CNTN4: variants seen among roughly 807,000 people sequenced by gnomAD.
CNTN4 encodes the protein contactin 4.
A neutral mutation model predicts 122.5 loss-of-function variants in CNTN4; 77 were observed. The ratio of observed to expected loss-of-function variants is 0.63; its 90% CI spans 0.52 to 0.76. The LOEUF (loss-of-function observed/expected upper bound fraction) is 0.76, where lower values mean the gene tolerates loss of function less well. Ranked by LOEUF, CNTN4 falls within the 30% of genes least tolerant of loss-of-function variation. CNTN4 has a pLI of 0.00. For synonymous variants in CNTN4, 512 were observed against 447.0 expected (o/e 1.15, Z -1.83); for missense variants, 1,256 against 1,259.1 (o/e 1.00, Z 0.04).
Position 2,511,194 on chromosome 3 carries a change from A to G in CNTN4, c.-88-60222A>G, listed in dbSNP as rs2149073594. 1.3e-5 allele frequency among the ~76,000 whole-genome samples: 2 copies of G among 152,320 alleles called. 1 individual carries two copies. Among genetic ancestry groups the G allele is most frequent in the Admixed American group, 1.3e-4 (2 of 15,296 alleles). ...TATGTACCAAACAACCAGTGTAATTATATTCTGTAGTTGAGGAATTACATA... is the reference window on the plus strand; with the variant it reads ...TATGTACCAAACAACCAGTGTAATTGTATTCTGTAGTTGAGGAATTACATA... On this transcript the variant is annotated intron_variant, in intron 3 of 24. Coordinates refer to ENST00000418658, the MANE Select transcript of CNTN4 (RefSeq NM_175607.3).
chr3:2,562,801 G>A (rs1460945935), intron 3 of CNTN4, among the ~76,000 whole-genome samples: 1 of 151,752 alleles, frequency 6.6e-6, no homozygotes, highest in African/African-American at 2.4e-5. Context: ...TTGGCTCACT[G>A]CAGACTCCAA....
chr3:2,432,533 A>G (rs898190577), intron 3 of CNTN4, among the ~76,000 whole-genome samples: 3 of 152,148 alleles, frequency 2.0e-5, no homozygotes, highest in African/African-American at 7.2e-5. Flanking sequence ...AGAGCCAGAT[A>G]TGACAGCATT....
chr3:2,125,330 C>CTCTCTGTGTGTGTG (rs138301374), intron 2 of CNTN4, among the ~76,000 whole-genome samples: 63 of 143,472 alleles, frequency 4.4e-4, no homozygotes, highest in African/African-American at 1.6e-3. Flanking sequence ...ATTCTATTCT[C>CTCTCTGTGTGTGTG]TGTGTGTGTG....
Position 3,037,259 on chromosome 3 carries a change from G to A in CNTN4, c.2023G>A (p.Val675Ile). 1 of 1,614,194 alleles carries A rather than the reference G, an allele frequency of 6.2e-7. No homozygotes were observed. The highest frequency in any genetic ancestry group is 8.5e-7 in the Non-Finnish European group (1 of 1,180,036). ...NPWVEYEFRT[V>I]AANVIGIGEP... ...TTGGGTTGAATATGAATTCCGCACA[G>A]TTGCAGCCAACGTGATTGGGATTGG... The change falls in exon 18 of 25, where the codon GTT becomes ATT. Residue 675 changes from valine (V) to isoleucine (I), a missense_variant. By Grantham distance (29) the Val-to-Ile change is conservative. Transcript: ENST00000418658.
chr3:2,166,705 A>G (rs923126690), intron 2 of CNTN4, among the ~76,000 whole-genome samples: 1 of 152,102 alleles, frequency 6.6e-6, no homozygotes, highest in Non-Finnish European at 1.5e-5. Context: ...AGTGTAAGGG[A>G]ATCACTGAAG....
intron 3 of CNTN4, among the ~76,000 whole-genome samples, chr3:2,552,649 A>G (rs1224278659): frequency 1.3e-5 from 2 of 152,226 alleles, no homozygotes; most frequent in Admixed American, 6.5e-5. Flanking sequence ...GACATCTAGA[A>G]AAGTTATCTC....
rs571115306 is a variant in CNTN4 at position 2,336,845 on chromosome 3, C to G, written c.-144-2333C>G. 2.1e-3 allele frequency among the ~76,000 whole-genome samples: 324 copies of G among 152,186 alleles called. 2 individuals are homozygous for G. Among genetic ancestry groups the G allele is most frequent in the Non-Finnish European group, 3.4e-3 (228 of 67,980 alleles). On this transcript the variant is annotated intron_variant, in intron 2 of 24. Transcript: ENST00000418658. ...TGGTTTTCTCTAAAGTCTTATTTTT[C>G]TGGTTCTCTCAAGACTGGCTTCTTT... is the stretch of plus-strand genomic sequence containing the variant.
At chr3:2,931,557 C>T (rs2094520645) in intron 13 of CNTN4, among the ~76,000 whole-genome samples, 1 of 152,194 alleles carries the variant, frequency 6.6e-6, no homozygotes, top group Non-Finnish European at 1.5e-5. Flanking sequence ...CCCTCACCTT[C>T]TTTTCCTAAT....
At chr3:2,671,736 T>G (rs2150380915) in intron 4 of CNTN4, among the ~76,000 whole-genome samples, 1 of 152,280 alleles carries the variant, frequency 6.6e-6, no homozygotes, top group African/African-American at 2.4e-5. Context: ...CTACCTTTGG[T>G]CTTTGATGAT....
At chr3:2,968,694 A>G (rs897892885) in intron 13 of CNTN4, among the ~76,000 whole-genome samples, 1 of 152,206 alleles carries the variant, frequency 6.6e-6, no homozygotes, top group Admixed American at 6.5e-5. Context: ...TTACTGTGCT[A>G]GGTTTTGAAC....
rs80066444 is a variant in CNTN4, at chr3:2,908,991, C to T, written c.1207+5986C>T. Reference sequence around the variant, plus strand: ...AATTAAAGTGAGGTGCAACCTTGAGCGATTATCTGGTTAATTTGGCATCTA... The same window carrying T: ...AATTAAAGTGAGGTGCAACCTTGAGTGATTATCTGGTTAATTTGGCATCTA... On this transcript the variant is annotated intron_variant, in intron 12 of 24. Transcript: ENST00000418658. Among the ~76,000 whole-genome samples, 291 of 152,196 alleles carry T rather than the reference C, an allele frequency of 1.9e-3. 5 individuals carry two copies. The East Asian group carries it at 0.035, about 18-fold the overall frequency.
At chr3:2,191,383 A>G (rs944315752) in intron 2 of CNTN4, among the ~76,000 whole-genome samples, 10 of 151,912 alleles carry the variant, frequency 6.6e-5, no homozygotes, top group African/African-American at 2.2e-4. Flanking sequence ...TAAAGGTTTT[A>G]TAAGTGATAC....
intron 2 of CNTN4, among the ~76,000 whole-genome samples, chr3:2,337,668 A>G (rs1360406862): frequency 6.6e-6 from 1 of 152,136 alleles, no homozygotes; most frequent in African/African-American, 2.4e-5. Flanking sequence ...CAAGAACAAC[A>G]TAATTATTTT....
At chr3:2,787,979 G>T (rs1448998802) in intron 6 of CNTN4, among the ~76,000 whole-genome samples, 1 of 151,888 alleles carries the variant, frequency 6.6e-6, no homozygotes, top group African/African-American at 2.4e-5. Context: ...TAGTAGAGAC[G>T]GGGCTTCACC....
chr3:3,040,006 AT>A, intron 19 of CNTN4, 30 bp from the exon 20 acceptor site: 1 of 1,483,264 alleles, frequency 6.7e-7, no homozygotes. Flanking sequence ...AACTACTGTG[AT>A]TTCTGAAGAC....
intron 6 of CNTN4, among the ~76,000 whole-genome samples, chr3:2,750,468 A>G (rs1225819357): frequency 6.6e-6 from 1 of 152,212 alleles, no homozygotes; most frequent in Non-Finnish European, 1.5e-5. Flanking sequence ...TAGAGATGAG[A>G]CCACTAAGAA....
At chr3:2,112,831 AC>A (rs1031684404) in intron 2 of CNTN4, among the ~76,000 whole-genome samples, 2 of 151,884 alleles carry the variant, frequency 1.3e-5, no homozygotes, top group African/African-American at 4.8e-5. Context: ...CTGGAGAGAG[AC>A]CCCCATCCAT....
chr3:2,668,383 G>A (rs112542406), intron 4 of CNTN4, among the ~76,000 whole-genome samples: 2 of 151,988 alleles, frequency 1.3e-5, no homozygotes, highest in African/African-American at 4.8e-5. Context: ...TCATGATTTG[G>A]CTCTCTGTTT....
intron 4 of CNTN4, among the ~76,000 whole-genome samples, chr3:2,601,487 G>T (rs2081045136): frequency 6.6e-6 from 1 of 152,060 alleles, no homozygotes; most frequent in African/African-American, 2.4e-5. Context: ...TTTTTGTCAG[G>T]TTTGTCAAAG....
Sources: allele counts gnomAD v4.1 joint callset (sites outside exome capture counted in the v4.1 genomes callset), GRCh38; gene constraint gnomAD v4.1.1; transcripts MANE v1.5; gene names NCBI Gene and HGNC (gene_info 2026-07-23, HGNC 2026-07-21).